The following FGFR1 variants were observed in gnomAD, a reference collection of about 807,000 sequenced individuals.
FGFR1 encodes fibroblast growth factor receptor 1.
Under a neutral mutation model 93.7 loss-of-function variants are expected in FGFR1, and 18 were observed. The observed-to-expected ratio is 0.19, with a 90% CI of 0.13 to 0.28. FGFR1 has a LOEUF of 0.28. Among genes scored for constraint, FGFR1 ranks in the 10% least tolerant of loss-of-function variants. The pLI is 1.00. For missense variants in FGFR1, 731 were observed against 1,080.4 expected, an observed-to-expected ratio of 0.68 and a Z score of 4.53; for synonymous variants, 448 against 429.3, an observed-to-expected ratio of 1.04 and a Z score of -0.54.
At chr8:38,414,721 C>A in intron 14 of FGFR1, 58 bp downstream of exon 14, 1 of 1,613,546 alleles carries the variant, frequency 6.2e-7, no homozygotes, top group Non-Finnish European at 8.5e-7. Context: ...CTCAGCCCAC[C>A]CCACTCCTTG....
At chr8:38,433,335 C>CA (rs1359114908) in intron 2 of FGFR1, among the ~76,000 whole-genome samples, 3 of 150,742 alleles carry the variant, frequency 2.0e-5, no homozygotes, top group Non-Finnish European at 4.4e-5. Flanking sequence ...TTTTTTAAGA[C>CA]AGAGTTGCTT....
At chr8:38,431,592 GA>G (rs1489942931) in intron 2 of FGFR1, among the ~76,000 whole-genome samples, 1 of 152,114 alleles carries the variant, frequency 6.6e-6, no homozygotes, top group Non-Finnish European at 1.5e-5. Flanking sequence ...CCTTAAAAAT[GA>G]AAATGGGTGT....
At chr8:38,462,902 CT>C (rs11364295) in intron 1 of FGFR1, among the ~76,000 whole-genome samples, 59,988 of 114,818 alleles carry the variant, frequency 0.52, 15,358 homozygotes, top group Admixed American at 0.64. Context: ...CTGTGCCTGG[CT>C]TTTTTTTTTT....
At chr8:38,423,309 TTAG>T in intron 7 of FGFR1, 1 of 603,772 alleles carries the variant, frequency 1.7e-6, no homozygotes, top group Non-Finnish European at 2.9e-6. Flanking sequence ...CCTTTCCCTT[TTAG>T]TTTTTTTTTT....
intron 1 of FGFR1, among the ~76,000 whole-genome samples, chr8:38,464,506 T>G (rs552935620): frequency 4.6e-5 from 7 of 152,004 alleles, no homozygotes; most frequent in Admixed American, 3.3e-4. Flanking sequence ...AGGGGAGAGA[T>G]AAATGGTGGC....
chr8:38,428,257 C>T, intron 4 of FGFR1, 89 bp downstream of exon 4: 6 of 1,488,114 alleles, frequency 4.0e-6, no homozygotes, highest in Non-Finnish European at 5.6e-6. Context: ...CCCATGTGCC[C>T]TCCTCTTCCT....
chr8:38,434,647 T>A (rs1158209472), intron 2 of FGFR1: 1 of 197,586 alleles, frequency 5.1e-6, no homozygotes, highest in Non-Finnish European at 1.1e-5. Flanking sequence ...ACACACCTTC[T>A]CCAGGGATTT....
At chr8:38,456,773 A>G (rs1429132155) in intron 2 of FGFR1, among the ~76,000 whole-genome samples, 3 of 151,988 alleles carry the variant, frequency 2.0e-5, no homozygotes, top group East Asian at 3.9e-4. Flanking sequence ...GTCTCGCTAT[A>G]TTGCCTAGGC....
At chr8:38,446,665 T>C (rs1172719962) in intron 2 of FGFR1, among the ~76,000 whole-genome samples, 1 of 152,120 alleles carries the variant, frequency 6.6e-6, no homozygotes, top group Non-Finnish European at 1.5e-5. Context: ...CACCTCGGCC[T>C]CCCAAAGTGC....
intron 2 of FGFR1, among the ~76,000 whole-genome samples, chr8:38,447,677 T>C (rs12549631): frequency 0.23 from 34,325 of 152,002 alleles, 4,077 homozygotes; most frequent in African/African-American, 0.28. Context: ...AGAAGGGTTT[T>C]GCCATGTTAC....
intron 2 of FGFR1, among the ~76,000 whole-genome samples, chr8:38,445,679 C>T (rs545672053): frequency 2.6e-5 from 4 of 151,804 alleles, no homozygotes; most frequent in African/African-American, 9.7e-5. Context: ...GCTGGGATTA[C>T]AGGCGCCTGC....
chr8:38,428,606 T>G, intron 3 of FGFR1, 171 bp from the exon 4 acceptor site: 1 of 639,068 alleles, frequency 1.6e-6, no homozygotes. Context: ...ACAGTTCCTG[T>G]GCGTGTTTGC....
rs1328957237 is a variant in FGFR1 at position 38,426,797 on chromosome 8, G to T, written c.622-552C>A. Among the ~76,000 whole-genome samples, 1 of 152,204 alleles carries T rather than the reference G, an allele frequency of 6.6e-6. No homozygotes were observed. Among genetic ancestry groups the T allele is most frequent in the Non-Finnish European group, 1.5e-5 (1 of 68,036 alleles). ...TTTAAAGCATGGTGTCTTGCATGTA[G>T]TGAGTGCATGGTGAATTAATTTAAA... On this transcript the variant is annotated intron_variant, in intron 5 of 17. Transcript: ENST00000447712. This position sits in a 1 kb window ranked among gnomAD's most constrained non-coding sequence, Gnocchi z 4.1.
At chr8:38,423,084 T>A (rs759358214) in intron 7 of FGFR1, 2 of 779,490 alleles carry the variant, frequency 2.6e-6, no homozygotes, top group Admixed American at 1.7e-5. Flanking sequence ...ACCAATATAA[T>A]TGGAAACCTT....
intron 5 of FGFR1, among the ~76,000 whole-genome samples, chr8:38,427,105 TAA>T (rs35028972): frequency 1.6e-4 from 21 of 133,976 alleles, no homozygotes; most frequent in Admixed American, 2.3e-4. Flanking sequence ...AGACTCCGTC[TAA>T]AAAAAAAAAA....
rs557472351 is a variant in FGFR1, at chr8:38,424,922, C to G, written c.746-223G>C. Among the ~76,000 whole-genome samples the G allele has an allele frequency of 2.0e-5, 3 of 152,222 alleles. No homozygotes were observed. Among genetic ancestry groups the G allele is most frequent in the Non-Finnish European group, 4.4e-5 (3 of 68,042 alleles). ...CTCCCCAAGGCAGTCATCATATTTA[C>G]AGTCACAGTAAGTCGCTCATGCTTT... On this transcript the variant is annotated intron_variant, in intron 6 of 17. Transcript: ENST00000447712. This position sits in a 1 kb window ranked among gnomAD's most constrained non-coding sequence, Gnocchi z 4.3.
chr8:38,428,035 C>T lies in FGFR1; in HGVS notation c.507G>A (p.Pro169=), dbSNP rs374145904. The change falls in exon 5 of 18, where the codon CCG becomes CCA. Residue 169 remains proline, a synonymous_variant. Coordinates refer to ENST00000447712, the MANE Select transcript of FGFR1 (RefSeq NM_023110.3). The part of the protein sequence containing the change: ...EKMEKKLHAV[P]AAKTVKFKCP... Reference sequence around the variant, plus strand: ...ATTTGAACTTCACTGTCTTGGCAGCCGGCACTGCATGCAATTTCTTTTCCA... The same window carrying T: ...ATTTGAACTTCACTGTCTTGGCAGCTGGCACTGCATGCAATTTCTTTTCCA... 34 of 1,614,230 alleles carry T rather than the reference C, an allele frequency of 2.1e-5. No homozygotes were observed. Among genetic ancestry groups the T allele is most frequent in the South Asian group, 1.8e-4 (16 of 91,088 alleles).
chr8:38,454,611 C>T (rs1563616806), intron 2 of FGFR1, among the ~76,000 whole-genome samples: 3 of 152,166 alleles, frequency 2.0e-5, no homozygotes, highest in Non-Finnish European at 4.4e-5. Context: ...TTCCTCTAGC[C>T]AGACACTCAA....
rs1187171999 is a variant in FGFR1 at position 38,426,372 on chromosome 8, G to C, written c.622-127C>G. The C allele has an allele frequency of 1.5e-6, 2 of 1,363,836 alleles. No homozygotes were observed. Among genetic ancestry groups the C allele is most frequent in the Non-Finnish European group, 2.1e-6 (2 of 967,988 alleles). 84.5% of individuals were successfully genotyped at this position (1,363,836 alleles called of 1,614,324 possible). A position where few individuals can be genotyped will look rare whatever the true frequency, so the allele number is the denominator to read the frequency against. ...TGGTGGCACAGGGCCCCAGGCTGCAGGGTTGGCTAGGACAAGGCGTGGATT... is the reference window on the plus strand; with the variant it reads ...TGGTGGCACAGGGCCCCAGGCTGCACGGTTGGCTAGGACAAGGCGTGGATT... On this transcript the variant is annotated intron_variant, in intron 5 of 17. Coordinates refer to ENST00000447712, the MANE Select transcript of FGFR1 (RefSeq NM_023110.3). This position sits in a 1 kb window ranked among gnomAD's most constrained non-coding sequence, Gnocchi z 4.1.
Sources: gnomAD v4.1 joint callset for allele counts (sites outside exome capture counted in the v4.1 genomes callset) on GRCh38, gnomAD v4.1.1 for gene constraint, Gnocchi (gnomAD v3.1) non-coding constraint, MANE v1.5 for transcripts, NCBI Gene and HGNC (gene_info 2026-07-23, HGNC 2026-07-21) for gene names.